FAM81A: variants seen among roughly 807,000 people sequenced by gnomAD.
FAM81A encodes the protein family with sequence similarity 81 member A.
A neutral mutation model predicts 46.7 loss-of-function variants in FAM81A; 19 were observed. The observed-to-expected ratio is 0.41, with a 90% CI of 0.28 to 0.60. The LOEUF is 0.60. Ranked by LOEUF, FAM81A falls within the 20% of genes least tolerant of loss-of-function variation. The probability of loss-of-function intolerance (pLI) is 0.34; values close to 1 mark genes in which losing one functional copy is unlikely to be tolerated. For synonymous variants in FAM81A, 183 were observed against 152.9 expected (o/e 1.20, Z -1.45); for missense variants, 377 against 453.5 (o/e 0.83, Z 1.53).
chr15:59,399,502 CT>C (rs2081061338), intron 1 of FAM81A, among the ~76,000 whole-genome samples: 1 of 152,114 alleles, frequency 6.6e-6, no homozygotes, highest in Admixed American at 6.5e-5. Flanking sequence ...CAAAAAAGGC[CT>C]CCAGAAAGAT....
At chr15:59,473,518 A>T (rs2081724914) in intron 3 of FAM81A, among the ~76,000 whole-genome samples, 1 of 152,184 alleles carries the variant, frequency 6.6e-6, no homozygotes, top group African/African-American at 2.4e-5. Context: ...ATGTTACAAA[A>T]AATACAAACT....
chr15:59,456,659 T>G (rs2081488803), intron 1 of FAM81A, among the ~76,000 whole-genome samples: 1 of 152,222 alleles, frequency 6.6e-6, no homozygotes, highest in African/African-American at 2.4e-5. Flanking sequence ...CACTGTAGCC[T>G]CAGCCTCCCT....
upstream of FAM81A, among the ~76,000 whole-genome samples, chr15:59,437,214 G>C (rs1161196383): frequency 6.6e-6 from 1 of 152,118 alleles, no homozygotes; most frequent in African/African-American, 2.4e-5. Context: ...CCACAGTTCG[G>C]GCTCTTCTAC....
At chr15:59,507,161 C>T (rs1013875202) in intron 4 of FAM81A, 52 bp from the exon 5 acceptor site, 64 of 1,563,680 alleles carry the variant, frequency 4.1e-5, no homozygotes, top group East Asian at 9.2e-5. Context: ...GAAGCTTTTG[C>T]GCATTGTTTT....
At chr15:59,474,676 G>A (rs1232660329) in intron 3 of FAM81A, among the ~76,000 whole-genome samples, 4 of 152,162 alleles carry the variant, frequency 2.6e-5, no homozygotes, top group African/African-American at 4.8e-5. Flanking sequence ...GCCCAATACA[G>A]AGTGAAGCCA....
chr15:59,463,598 T>A (rs1253956217), intron 3 of FAM81A, among the ~76,000 whole-genome samples: 2 of 152,084 alleles, frequency 1.3e-5, no homozygotes, highest in Non-Finnish European at 2.9e-5. Flanking sequence ...ATCCCAGCAC[T>A]TTGGGAGGCA....
intron 3 of FAM81A, among the ~76,000 whole-genome samples, chr15:59,486,021 A>G (rs1233841328): frequency 1.3e-5 from 2 of 152,136 alleles, no homozygotes; most frequent in African/African-American, 4.8e-5. Flanking sequence ...TGTACTAAAA[A>G]TACGGAAATT....
intron 1 of FAM81A, among the ~76,000 whole-genome samples, chr15:59,399,011 T>A (rs2140460313): frequency 6.6e-6 from 1 of 151,782 alleles, no homozygotes. Context: ...CTACTAAAAA[T>A]ACAAAAAGTT....
At chr15:59,477,525 A>G (rs2081787973) in intron 3 of FAM81A, among the ~76,000 whole-genome samples, 1 of 152,226 alleles carries the variant, frequency 6.6e-6, no homozygotes, top group Admixed American at 6.5e-5. Context: ...ATAAGTCTTT[A>G]TGATTTTCTG....
At chr15:59,514,852 C>T (rs2082250325) in intron 7 of FAM81A, among the ~76,000 whole-genome samples, 1 of 152,200 alleles carries the variant, frequency 6.6e-6, no homozygotes, top group Non-Finnish European at 1.5e-5. Flanking sequence ...CACAGTGCAA[C>T]ATGTAAACAG....
intron 8 of FAM81A, among the ~76,000 whole-genome samples, chr15:59,519,455 C>T (rs184879167): frequency 6.7e-6 from 1 of 148,334 alleles, no homozygotes; most frequent in Non-Finnish European, 1.5e-5. Context: ...TGCCTTCCTC[C>T]CTCCCTCCCT....
rs533959852 is a variant in FAM81A at position 59,516,672 on chromosome 15, A to C, written c.814A>C (p.Lys272Gln). 4 of 1,613,274 alleles carry C rather than the reference A, an allele frequency of 2.5e-6. No individual in the cohort carries two copies. The highest frequency in any genetic ancestry group is 1.7e-5 in the Admixed American group (1 of 59,786). ...SGASERDMEKKLSQMSARLDK... is the reference protein window; with the variant it reads ...SGASERDMEKQLSQMSARLDK... ...AGCCAGTGAAAGGGATATGGAGAAG[A>C]AGCTCAGCCAGATGTCAGCCAGGCT... Residue 272 changes from lysine (K) to glutamine (Q), a missense_variant, in exon 8 of 9, where the codon AAG becomes CAG. Lys to Gln is a moderately conservative substitution (Grantham distance 53). Coordinates refer to ENST00000288228, the MANE Select transcript of FAM81A (RefSeq NM_152450.3).
intron 3 of FAM81A, among the ~76,000 whole-genome samples, chr15:59,486,613 A>G (rs2081919864): frequency 6.6e-6 from 1 of 152,222 alleles, no homozygotes; most frequent in Non-Finnish European, 1.5e-5. Flanking sequence ...ATTTAATAAC[A>G]AAACTCCCAG....
chr15:59,412,408 A>C (rs1273217485), intron 2 of FAM81A, among the ~76,000 whole-genome samples: 1 of 152,122 alleles, frequency 6.6e-6, no homozygotes, highest in East Asian at 1.9e-4. Context: ...TGGTTTTTGG[A>C]TTAATCAAAA....
At chr15:59,512,622 C>G (rs1236498807) in intron 6 of FAM81A, among the ~76,000 whole-genome samples, 1 of 151,910 alleles carries the variant, frequency 6.6e-6, no homozygotes, top group African/African-American at 2.4e-5. Context: ...CTTGGGTCTT[C>G]TAAGGTCCTG....
intron 3 of FAM81A, among the ~76,000 whole-genome samples, chr15:59,483,781 G>C (rs1395064047): frequency 1.3e-5 from 2 of 152,168 alleles, no homozygotes; most frequent in Non-Finnish European, 2.9e-5. Flanking sequence ...GTTGGGATAG[G>C]CAGGCAGGAA....
At chr15:59,488,876 T>C (rs997436116) in intron 3 of FAM81A, among the ~76,000 whole-genome samples, 1 of 152,014 alleles carries the variant, frequency 6.6e-6, no homozygotes, top group African/African-American at 2.4e-5. Flanking sequence ...GCTGGGAAGA[T>C]TGCTTGTGCC....
chr15:59,499,717 G>A (rs568721760), intron 4 of FAM81A, among the ~76,000 whole-genome samples: 8 of 152,050 alleles, frequency 5.3e-5, no homozygotes, highest in African/African-American at 7.2e-5. Context: ...TTCTTTTAGC[G>A]CCATGAATAT....
chr15:59,424,985 A>T (rs1460454421), intron 2 of FAM81A, among the ~76,000 whole-genome samples: 1 of 152,322 alleles, frequency 6.6e-6, no homozygotes, highest in East Asian at 1.9e-4. Context: ...ATTTACTGCA[A>T]CTTTCAAACT....
Sources: allele counts gnomAD v4.1 joint callset (sites outside exome capture counted in the v4.1 genomes callset), GRCh38; gene constraint gnomAD v4.1.1; transcripts MANE v1.5; gene names NCBI Gene and HGNC (gene_info 2026-07-23, HGNC 2026-07-21).